Variants in NRXN3 observed in about 807,000 individuals in gnomAD.
The protein encoded by NRXN3 is neurexin 3.
NRXN3 carries 32 observed loss-of-function variants against 137.6 expected under a neutral mutation model. That is an observed-to-expected ratio of 0.23 (90% CI 0.18 to 0.31). The LOEUF (loss-of-function observed/expected upper bound fraction) is 0.31. Among genes scored for constraint, NRXN3 ranks in the 10% least tolerant of loss-of-function variants. The probability of loss-of-function intolerance (pLI) is 1.00; values close to 1 mark genes in which losing one functional copy is unlikely to be tolerated. For synonymous variants in NRXN3, 798 were observed against 784.5 expected (o/e 1.02, Z -0.29); for missense variants, 1,574 against 2,062.5 (o/e 0.76, Z 4.59).
At chr14:79,075,342 C>T (rs754768013) in intron 15 of NRXN3, among the ~76,000 whole-genome samples, 8 of 152,172 alleles carry the variant, frequency 5.3e-5, no homozygotes, top group Non-Finnish European at 1.0e-4. Context: ...TTGATGCACA[C>T]ATTATTGCAT....
intron 16 of NRXN3, among the ~76,000 whole-genome samples, chr14:79,661,075 A>G (rs1037869834): frequency 2.0e-5 from 3 of 152,136 alleles, no homozygotes; most frequent in Non-Finnish European, 2.9e-5. Context: ...GGACAATAAT[A>G]TTAGCTATGG....
intron 8 of NRXN3, among the ~76,000 whole-genome samples, chr14:78,718,130 G>T (rs955841162): frequency 1.3e-5 from 2 of 152,146 alleles, no homozygotes; most frequent in Admixed American, 1.3e-4. Flanking sequence ...CACTCAGTTT[G>T]CCATTCTCTC....
intron 15 of NRXN3, among the ~76,000 whole-genome samples, chr14:79,454,403 A>G (rs1172331012): frequency 6.6e-6 from 1 of 152,022 alleles, no homozygotes; most frequent in Non-Finnish European, 1.5e-5. Flanking sequence ...TTTAGTAGAG[A>G]CAGGGTTTCT....
At chr14:79,812,981 A>G (rs1198421556) in intron 20 of NRXN3, among the ~76,000 whole-genome samples, 1 of 152,188 alleles carries the variant, frequency 6.6e-6, no homozygotes, top group Non-Finnish European at 1.5e-5. Flanking sequence ...AGCCCCAAGT[A>G]TATGTACTGT....
intron 15 of NRXN3, among the ~76,000 whole-genome samples, chr14:79,162,074 C>T (rs1018514572): frequency 2.0e-5 from 3 of 150,642 alleles, no homozygotes; most frequent in African/African-American, 4.9e-5. Flanking sequence ...AGCTACATTA[C>T]CTGAGGCAAT....
chr14:79,381,343 A>G (rs1461500331), intron 15 of NRXN3, among the ~76,000 whole-genome samples: 1 of 152,018 alleles, frequency 6.6e-6, no homozygotes, highest in Non-Finnish European at 1.5e-5. Flanking sequence ...GGGACATAAT[A>G]TCTCTGAAGG....
chr14:78,959,703 T>G (rs1302659032), intron 11 of NRXN3, among the ~76,000 whole-genome samples: 5 of 152,204 alleles, frequency 3.3e-5, no homozygotes, highest in Non-Finnish European at 7.3e-5. Context: ...TTAAAAGAGA[T>G]GTACAAATGG....
At chr14:79,860,194 A>G (rs1423411148) in intron 20 of NRXN3, among the ~76,000 whole-genome samples, 1 of 152,230 alleles carries the variant, frequency 6.6e-6, no homozygotes, top group African/African-American at 2.4e-5. Flanking sequence ...CACACTAGTT[A>G]GCAATCACCA....
intron 15 of NRXN3, among the ~76,000 whole-genome samples, chr14:79,029,657 C>G (rs2099604141): frequency 6.6e-6 from 1 of 152,070 alleles, no homozygotes. Flanking sequence ...GCATCCCTAG[C>G]CTCTACACAG....
At chr14:78,199,343 T>C (rs1044814560) in intron 1 of NRXN3, among the ~76,000 whole-genome samples, 2 of 152,020 alleles carry the variant, frequency 1.3e-5, no homozygotes, top group Non-Finnish European at 2.9e-5. Flanking sequence ...CTTAGACACA[T>C]GGCACTTTGA....
chr14:79,507,969 T>C (rs2096894115), intron 16 of NRXN3, among the ~76,000 whole-genome samples: 1 of 152,140 alleles, frequency 6.6e-6, no homozygotes, highest in South Asian at 2.1e-4. Flanking sequence ...GTGTCTTCTT[T>C]CTCATAGTAT....
intron 2 of NRXN3, among the ~76,000 whole-genome samples, chr14:78,270,229 G>A (rs1399837980): frequency 6.6e-6 from 1 of 152,180 alleles, no homozygotes; most frequent in Non-Finnish European, 1.5e-5. Flanking sequence ...TGTGTCTAGA[G>A]TGTTTTCCAA....
At chr14:79,675,025 T>G (rs1245443419) in intron 17 of NRXN3, among the ~76,000 whole-genome samples, 2 of 152,004 alleles carry the variant, frequency 1.3e-5, no homozygotes. Context: ...CATCATAGCA[T>G]CCTGGAAAGG....
chr14:79,588,181 A>C (rs1318079879), intron 16 of NRXN3, among the ~76,000 whole-genome samples: 1 of 152,218 alleles, frequency 6.6e-6, no homozygotes, highest in African/African-American at 2.4e-5. Context: ...GTAATGTGCC[A>C]GTCTCATTTT....
At chr14:79,759,569 T>G (rs1001137814) in intron 19 of NRXN3, among the ~76,000 whole-genome samples, 3 of 151,758 alleles carry the variant, frequency 2.0e-5, no homozygotes, top group African/African-American at 7.3e-5. Context: ...CTACTTCTAA[T>G]GACAATTGCT....
intron 19 of NRXN3, among the ~76,000 whole-genome samples, chr14:79,702,431 G>T (rs77804624): frequency 6.6e-6 from 1 of 151,950 alleles, no homozygotes; most frequent in African/African-American, 2.4e-5. Context: ...GGCTTGACTG[G>T]ATCTCATGCA....
chr14:79,125,267 T>A (rs2056203311), intron 15 of NRXN3, among the ~76,000 whole-genome samples: 1 of 152,200 alleles, frequency 6.6e-6, no homozygotes, highest in Admixed American at 6.5e-5. Flanking sequence ...TTTGCCATTT[T>A]CTTAGCACTT....
chr14:78,700,796 CT>C lies in NRXN3; in HGVS notation c.1222-8412del, dbSNP rs544709901. On this transcript the variant is annotated intron_variant, in intron 6 of 20. Coordinates refer to ENST00000335750, the MANE Select transcript of NRXN3 (RefSeq NM_001330195.2). The stretch of plus-strand genomic sequence containing the variant: ...ACTTTTTCTTTTTCTTTCTTTCTTT[CT>C]TTTTTTTTGAGATGGAGTCTCACTC... Among the ~76,000 whole-genome samples, 13 of 150,300 alleles carry C rather than the reference CT, an allele frequency of 8.6e-5. No individual in the cohort carries two copies. In the East Asian group the frequency reaches 2.1e-3, roughly 25 times the overall value.
intron 15 of NRXN3, among the ~76,000 whole-genome samples, chr14:79,173,279 C>T (rs1218557716): frequency 6.6e-6 from 1 of 151,968 alleles, no homozygotes; most frequent in Non-Finnish European, 1.5e-5. Context: ...CCTGTAATCT[C>T]AGCACTTTGT....
Sources: allele counts gnomAD v4.1 joint callset (sites outside exome capture counted in the v4.1 genomes callset), GRCh38; gene constraint gnomAD v4.1.1; transcripts MANE v1.5; gene names NCBI Gene and HGNC (gene_info 2026-07-23, HGNC 2026-07-21).